The following TBCEL variants were observed in gnomAD, a reference collection of about 807,000 sequenced individuals.
TBCEL encodes tubulin-specific chaperone cofactor E-like protein.
In TBCEL, 15 loss-of-function variants were observed where a neutral mutation model predicts 44.2. The observed-to-expected ratio is 0.34, with a 90% CI of 0.23 to 0.52. The LOEUF (loss-of-function observed/expected upper bound fraction) is 0.52, where lower values mean the gene tolerates loss of function less well. Among genes scored for constraint, TBCEL ranks in the 20% least tolerant of loss-of-function variants. The probability of loss-of-function intolerance (pLI) is 0.95; values close to 1 mark genes in which losing one functional copy is unlikely to be tolerated. For synonymous variants in TBCEL, 171 were observed against 185.4 expected (o/e 0.92, Z 0.63); for missense variants, 319 against 506.3 (o/e 0.63, Z 3.55).
chr11:121,077,684 GT>G (rs1228259819), intron 8 of TBCEL, among the ~76,000 whole-genome samples: 2 of 151,394 alleles, frequency 1.3e-5, no homozygotes, highest in East Asian at 1.9e-4. Context: ...TCTTTTTATA[GT>G]TTTTTTAAGC....
At chr11:121,081,539 C>T (rs190448690) in intron 8 of TBCEL, among the ~76,000 whole-genome samples, 1 of 152,312 alleles carries the variant, frequency 6.6e-6, no homozygotes, top group East Asian at 1.9e-4. Context: ...AACCATCTAC[C>T]TCTTCAGAGT....
intron 1 of TBCEL, among the ~76,000 whole-genome samples, chr11:121,028,607 AC>A (rs1417104021): frequency 6.6e-6 from 1 of 152,230 alleles, no homozygotes; most frequent in Non-Finnish European, 1.5e-5. Flanking sequence ...GTGAGATAAT[AC>A]ATATAAAACA....
intron 7 of TBCEL, 25 bp from the exon 8 acceptor site, chr11:121,059,944 T>A (rs766233344): frequency 6.6e-7 from 1 of 1,507,198 alleles, no homozygotes; most frequent in East Asian, 2.3e-5. Flanking sequence ...TTAAAAAATG[T>A]CTTTATTTTG....
rs1283686157 is a variant in TBCEL at position 121,088,259 on chromosome 11, C to G, written c.*1163C>G. 15 of 152,178 alleles carry G rather than the reference C, an allele frequency of 9.9e-5. No individual in the cohort carries two copies. The highest frequency in any genetic ancestry group is 9.8e-4 in the Admixed American group (15 of 15,280). The allele number at this position is 152,178 out of a possible 1,614,324, so 9.4% of individuals were successfully genotyped here. On this transcript the variant is annotated 3_prime_UTR_variant, in exon 9 of 9. Coordinates refer to ENST00000683345, the MANE Select transcript of TBCEL (RefSeq NM_001363644.2). ...GGGACTTTGTGATATCATAATTGAA[C>G]AGTTCTTTTGTTTTACATTTCAATT...
At chr11:121,073,775 A>G (rs765870168) in intron 8 of TBCEL, among the ~76,000 whole-genome samples, 1 of 151,860 alleles carries the variant, frequency 6.6e-6, no homozygotes, top group African/African-American at 2.4e-5. Flanking sequence ...AGTTTCTTTT[A>G]TTACGAGTAG....
intron 1 of TBCEL, among the ~76,000 whole-genome samples, chr11:121,027,745 A>G (rs573241768): frequency 2.0e-5 from 3 of 152,184 alleles, no homozygotes; most frequent in Admixed American, 2.0e-4. Flanking sequence ...TGCCTTTGCT[A>G]TATTGCTTTG....
At chr11:121,068,104 C>T (rs1208221079) in intron 8 of TBCEL, among the ~76,000 whole-genome samples, 1 of 152,194 alleles carries the variant, frequency 6.6e-6, no homozygotes, top group Non-Finnish European at 1.5e-5. Flanking sequence ...CTGATAACTG[C>T]CAGATGTATA....
At chr11:121,028,315 A>G (rs1319467377) in intron 1 of TBCEL, among the ~76,000 whole-genome samples, 1 of 152,260 alleles carries the variant, frequency 6.6e-6, no homozygotes, top group East Asian at 1.9e-4. Flanking sequence ...CATTTTATCA[A>G]GCTGTCTGGA....
At position 121,087,907 on chromosome 11, in the gene TBCEL, C is replaced by G. The variant is rs1946242235; in HGVS notation, c.*811C>G. ...ATTATGTCAGCCATTACTTTCATAA[C>G]ATGAAATATGTCAGATTCCAGAGTT... On this transcript the variant is annotated 3_prime_UTR_variant, in exon 9 of 9. Transcript: ENST00000683345. 1 of 152,196 alleles carries G rather than the reference C, an allele frequency of 6.6e-6. No individual in the cohort carries two copies. The allele number at this position is 152,196 out of a possible 1,614,324, so 9.4% of individuals were successfully genotyped here. A position where few individuals can be genotyped will look rare whatever the true frequency, so the allele number is the denominator to read the frequency against.
At chr11:121,065,723 A>G (rs1313457159) in intron 8 of TBCEL, among the ~76,000 whole-genome samples, 3 of 152,180 alleles carry the variant, frequency 2.0e-5, no homozygotes, top group Admixed American at 1.3e-4. Flanking sequence ...GCTCTACCTC[A>G]TAGTTTTGAA....
intron 3 of TBCEL, among the ~76,000 whole-genome samples, chr11:121,046,959 C>A (rs1245407361): frequency 1.3e-5 from 2 of 152,034 alleles, no homozygotes; most frequent in East Asian, 3.9e-4. Flanking sequence ...AATTGATAGA[C>A]AAGAGAGAGA....
In TBCEL at chr11:121,087,010, G is replaced by T; in HGVS notation, c.1189G>T (p.Glu397Ter). 1 of 1,614,150 alleles carries T rather than the reference G, an allele frequency of 6.2e-7. No homozygotes were observed. Among genetic ancestry groups the T allele is most frequent in the South Asian group, 1.1e-5 (1 of 91,086 alleles). Residue 397 changes from glutamate to a stop codon, truncating the protein, a stop_gained, in exon 9 of 9, where the codon GAG becomes TAG. Transcript: ENST00000683345. LOFTEE classifies it high-confidence loss of function. ...TGACCATGAAGCACCCTTTGGCCCA[G>T]AGGAAATGAAGTACAGCTCTCGGGC... ...YFDHEAPFGPEEMKYSSRALH... is the reference protein window; with the variant it reads ...YFDHEAPFGP
chr11:121,051,871 T>G (rs1945535418), intron 4 of TBCEL, among the ~76,000 whole-genome samples: 3 of 151,792 alleles, frequency 2.0e-5, no homozygotes, highest in African/African-American at 7.2e-5. Flanking sequence ...TTAATCTACT[T>G]CTCACTGATT....
chr11:121,050,936 C>T (rs367844670), intron 4 of TBCEL, among the ~76,000 whole-genome samples: 103 of 151,630 alleles, frequency 6.8e-4, no homozygotes, highest in African/African-American at 2.4e-3. Flanking sequence ...CAATATACTG[C>T]CCTAGAAACT....
intron 8 of TBCEL, among the ~76,000 whole-genome samples, chr11:121,068,655 G>A (rs975617958): frequency 6.6e-5 from 10 of 151,972 alleles, no homozygotes; most frequent in African/African-American, 2.4e-4. Context: ...AGGCCAAGGT[G>A]TGCAGATCAT....
intron 1 of TBCEL, among the ~76,000 whole-genome samples, chr11:121,031,211 G>A (rs1463538440): frequency 6.6e-6 from 1 of 152,102 alleles, no homozygotes; most frequent in Admixed American, 6.6e-5. Context: ...ACTGAGAAGT[G>A]GAATTGCTAG....
chr11:121,067,040 T>C (rs1945834081), intron 8 of TBCEL, among the ~76,000 whole-genome samples: 1 of 152,252 alleles, frequency 6.6e-6, no homozygotes, highest in Non-Finnish European at 1.5e-5. Flanking sequence ...TCTTCCTCCT[T>C]TTATTTTCCT....
chr11:121,030,139 G>A (rs1945117468), intron 1 of TBCEL, among the ~76,000 whole-genome samples: 1 of 152,162 alleles, frequency 6.6e-6, no homozygotes, highest in Admixed American at 6.5e-5. Flanking sequence ...CTGAGATGAA[G>A]CAGCTCTGCC....
intron 8 of TBCEL, among the ~76,000 whole-genome samples, chr11:121,068,894 A>C (rs993001278): frequency 6.6e-6 from 1 of 151,670 alleles, no homozygotes; most frequent in Non-Finnish European, 1.5e-5. Flanking sequence ...CTCAAAAAAA[A>C]AAAAAAAACA....
Sources: gnomAD v4.1 joint callset for allele counts (sites outside exome capture counted in the v4.1 genomes callset) on GRCh38, gnomAD v4.1.1 for gene constraint, MANE v1.5 for transcripts, NCBI Gene and HGNC (gene_info 2026-07-23, HGNC 2026-07-21) for gene names.